The following DDIAS variants were observed in gnomAD, a reference collection of about 807,000 sequenced individuals.
DDIAS encodes the protein DNA damage-induced apoptosis suppressor protein.
Under a neutral mutation model 15.7 loss-of-function variants are expected in DDIAS, and 14 were observed. That is an observed-to-expected ratio of 0.89 (90% CI 0.59 to 1.39). DDIAS has a LOEUF of 1.39. Ranked by LOEUF, DDIAS falls within the 40% of genes most tolerant of loss-of-function variation. The pLI, the probability that DDIAS is intolerant of heterozygous loss-of-function variation, is 0.00. For synonymous variants in DDIAS, 355 were observed against 395.9 expected, an observed-to-expected ratio of 0.90 and a Z score of 1.23; for missense variants, 1,035 against 1,130.9, an observed-to-expected ratio of 0.92 and a Z score of 1.22.
chr11:82,902,075 G>A (rs759490019), intron 1 of DDIAS, among the ~76,000 whole-genome samples: 1 of 152,202 alleles, frequency 6.6e-6, no homozygotes, highest in Non-Finnish European at 1.5e-5. Flanking sequence ...CTCGGAGTGA[G>A]CTTTTAGAAT....
At position 82,933,248 on chromosome 11, in the gene DDIAS, C is replaced by T. The variant is rs1861040249; in HGVS notation, c.1910C>T (p.Thr637Ile). The change falls in exon 6 of 6, where the codon ACT becomes ATT. Residue 637 changes from threonine (T) to isoleucine (I), a missense_variant. Physicochemically the swap from Thr to Ile is moderately conservative, Grantham distance 89 (BLOSUM62 -1). Transcript: ENST00000533655. ...ICRKLTYPLE[T>I]LCNSPNRSTN... is the part of the protein sequence containing the mutation. ...AGGAAACTTACATATCCTTTAGAAA[C>T]TCTTTGCAATAGTCCAAATAGAAGT... is the stretch of plus-strand genomic sequence containing the variant. The T allele has an allele frequency of 2.5e-6, 4 of 1,611,994 alleles. No homozygotes were observed. The highest frequency in any genetic ancestry group is 2.7e-5 in the African/African-American group (2 of 74,816).
At chr11:82,912,613 T>A (rs1464653305) in intron 1 of DDIAS, among the ~76,000 whole-genome samples, 1 of 152,214 alleles carries the variant, frequency 6.6e-6, no homozygotes, top group Non-Finnish European at 1.5e-5. Context: ...CCACTAAAAT[T>A]TTCTCCATAT....
intron 3 of DDIAS, among the ~76,000 whole-genome samples, chr11:82,926,166 C>T (rs1037828678): frequency 8.0e-5 from 12 of 150,726 alleles, no homozygotes; most frequent in African/African-American, 2.7e-4. Context: ...CTCAGCTCAC[C>T]ACAACCTCTG....
chr11:82,908,732 T>G (rs1860474657), intron 1 of DDIAS, among the ~76,000 whole-genome samples: 3 of 152,234 alleles, frequency 2.0e-5, no homozygotes, highest in Admixed American at 2.0e-4. Flanking sequence ...ATGTGCCAGT[T>G]TCAATTGTCA....
intron 3 of DDIAS, among the ~76,000 whole-genome samples, chr11:82,917,169 G>A (rs1010999682): frequency 3.4e-4 from 52 of 151,862 alleles, no homozygotes; most frequent in African/African-American, 1.2e-3. Context: ...TTTCCCATAG[G>A]TTATTGGGGT....
intron 3 of DDIAS, among the ~76,000 whole-genome samples, chr11:82,917,724 T>G (rs897865618): frequency 1.3e-5 from 2 of 152,242 alleles, no homozygotes; most frequent in Non-Finnish European, 2.9e-5. Flanking sequence ...ATCTCCACAC[T>G]GTTTTCCATA....
At chr11:82,930,067 G>C (rs957377213) in intron 4 of DDIAS, 90 bp from the exon 5 acceptor site, 30 of 732,058 alleles carry the variant, frequency 4.1e-5, no homozygotes, top group Non-Finnish European at 6.5e-5. Context: ...GGTTCATGCT[G>C]CATTTTCAAA....
chr11:82,926,051 G>A (rs1860854966), intron 3 of DDIAS, among the ~76,000 whole-genome samples: 1 of 149,626 alleles, frequency 6.7e-6, no homozygotes, highest in Non-Finnish European at 1.5e-5. Flanking sequence ...AAATCACCAT[G>A]TTGTATACCT....
rs909817021 is a variant in DDIAS at position 82,925,333 on chromosome 11, A to G, written c.114-3444A>G. 5.9e-5 allele frequency among the ~76,000 whole-genome samples: 9 copies of G among 152,340 alleles called. No homozygotes were observed. In the South Asian group the frequency reaches 1.4e-3, roughly 25 times the overall value. On this transcript the variant is annotated intron_variant, in intron 3 of 5. Transcript: ENST00000533655. ...AGATAGAAGCCAGGTGTGATGGCTC[A>G]CGCCTGTAATCCCAACACTCTGGGA...
chr11:82,924,876 G>T (rs529859446), intron 3 of DDIAS, among the ~76,000 whole-genome samples: 3 of 151,626 alleles, frequency 2.0e-5, no homozygotes, highest in East Asian at 3.9e-4. Context: ...TTTTAACTGG[G>T]ATCAAACAAA....
intron 1 of DDIAS, among the ~76,000 whole-genome samples, chr11:82,908,957 T>C (rs1328236036): frequency 6.6e-6 from 1 of 152,218 alleles, no homozygotes; most frequent in Non-Finnish European, 1.5e-5. Context: ...GGTCACTTAC[T>C]CTATTTTATG....
rs183568514 is a variant in DDIAS, at chr11:82,908,395, A to G, written c.-116-4892A>G. ...CTAAATAGCAGGATTTTAAGCAGGT[A>G]AGAGACAGCATGTTCAGGAGTGAGC... On this transcript the variant is annotated intron_variant, in intron 1 of 5. Transcript: ENST00000533655. Among the ~76,000 whole-genome samples, 358 of 152,316 alleles carry G rather than the reference A, an allele frequency of 2.4e-3. 3 individuals are homozygous for G. The highest frequency in any genetic ancestry group is 7.9e-3 in the African/African-American group (330 of 41,576).
In DDIAS at chr11:82,925,092, T is replaced by C. The variant is rs539015895; in HGVS notation, c.114-3685T>C. Among the ~76,000 whole-genome samples, 10 of 152,330 alleles carry C rather than the reference T, an allele frequency of 6.6e-5. No homozygotes were observed. The East Asian group carries it at 1.9e-3, about 29-fold the overall frequency. On this transcript the variant is annotated intron_variant, in intron 3 of 5. Transcript: ENST00000533655. Reference sequence around the variant, plus strand: ...GCAGATATGAGAATCCAGCTGTCTTTTTATGAAACCAGACATTAAAGAGAT... The same window carrying C: ...GCAGATATGAGAATCCAGCTGTCTTCTTATGAAACCAGACATTAAAGAGAT...
Position 82,920,291 on chromosome 11 carries a change from G to A in DDIAS, c.113+5440G>A, listed in dbSNP as rs183456336. 4.2e-4 allele frequency among the ~76,000 whole-genome samples: 64 copies of A among 151,942 alleles called. 1 individual carries two copies. Among genetic ancestry groups the A allele is most frequent in the African/African-American group, 1.3e-3 (55 of 41,426 alleles). ...TCTCTTCTTGGTTAATCTTGCTAAC[G>A]GTCTATCAATTTTATTTATCTTTTC... On this transcript the variant is annotated intron_variant, in intron 3 of 5. Coordinates refer to ENST00000533655, the MANE Select transcript of DDIAS (RefSeq NM_145018.4).
At chr11:82,912,295 T>C (rs11233371) in intron 1 of DDIAS, among the ~76,000 whole-genome samples, 19,982 of 152,232 alleles carry the variant, frequency 0.13, 1,382 homozygotes, top group Middle Eastern at 0.19. Flanking sequence ...ATTTAAAATC[T>C]GTTGTTTAGT....
At chr11:82,905,149 T>C (rs1473382087) in intron 1 of DDIAS, among the ~76,000 whole-genome samples, 1 of 152,186 alleles carries the variant, frequency 6.6e-6, no homozygotes, top group East Asian at 1.9e-4. Context: ...CATAAGTCTA[T>C]TGGAGCCTTC....
chr11:82,906,993 T>C (rs1461687380), intron 1 of DDIAS, among the ~76,000 whole-genome samples: 1 of 152,168 alleles, frequency 6.6e-6, no homozygotes, highest in African/African-American at 2.4e-5. Flanking sequence ...CGATCTTACT[T>C]TGAGTCCAGG....
intron 3 of DDIAS, among the ~76,000 whole-genome samples, chr11:82,926,180 C>A (rs1035673383): frequency 1.0e-4 from 15 of 150,012 alleles, no homozygotes; most frequent in African/African-American, 3.2e-4. Flanking sequence ...ACCTCTGCCG[C>A]CTGAGCTCAA....
At chr11:82,922,571 T>C (rs1358195227) in intron 3 of DDIAS, 1 of 152,236 alleles carries the variant, frequency 6.6e-6, no homozygotes, top group Non-Finnish European at 1.5e-5. Context: ...TTTGATTGTT[T>C]TTCTTTATGC....
Sources: gnomAD v4.1 joint callset for allele counts (sites outside exome capture counted in the v4.1 genomes callset) on GRCh38, gnomAD v4.1.1 for gene constraint, MANE v1.5 for transcripts, NCBI Gene and HGNC (gene_info 2026-07-23, HGNC 2026-07-21) for gene names.